Variants in RGMA observed in about 807,000 individuals in gnomAD.
The protein encoded by RGMA is repulsive guidance molecule BMP co-receptor a.
A neutral mutation model predicts 23.2 loss-of-function variants in RGMA; 10 were observed. The ratio of observed to expected loss-of-function variants is 0.43; its 90% confidence interval spans 0.27 to 0.73. The LOEUF is 0.73. RGMA is among the 30% of genes least tolerant of loss of function. The pLI, the probability that RGMA is intolerant of heterozygous loss-of-function variation, is 0.20. For synonymous variants in RGMA, 308 were observed against 279.3 expected, an observed-to-expected ratio of 1.10 and a Z score of -1.03; for missense variants, 547 against 630.5, an observed-to-expected ratio of 0.87 and a Z score of 1.42.
In RGMA at chr15:93,045,631, C is replaced by T. The variant is rs766596924; in HGVS notation, c.720G>A (p.Pro240=). 1.1e-5 allele frequency: 17 copies of T among 1,612,256 alleles called. No individual in the cohort carries two copies. Among genetic ancestry groups the T allele is most frequent in the African/African-American group, 6.7e-5 (5 of 75,036 alleles). ...TCTTAGAGCCATCCACGAAGGCGGC[C>T]GGGAGCTCGTCCATCTCAGCCTGGT... ...KVYQAEMDEL[P]AAFVDGSKNG... is the part of the protein sequence containing the mutation. Residue 240 remains proline, a synonymous_variant, in exon 4 of 4, where the codon CCG becomes CCA. Transcript: ENST00000329082. This position sits in a 1 kb window ranked among gnomAD's most constrained non-coding sequence, Gnocchi z 6.9.
intron 1 of RGMA, chr15:93,073,234 CCCCGCGCCCCA>C: frequency 8.9e-7 from 1 of 1,118,250 alleles, no homozygotes; most frequent in East Asian, 4.0e-5. Context: ...GTCGACGCGG[CCCCGCGCCCCA>C]GCCGCCTGCG....
chr15:93,061,240 AC>A (rs1180885203), intron 2 of RGMA, among the ~76,000 whole-genome samples: 1 of 152,056 alleles, frequency 6.6e-6, no homozygotes, highest in African/African-American at 2.4e-5. Context: ...CACAACCTCC[AC>A]CTCCCAGGTT....
chr15:93,083,343 T>G (rs918959375), intron 1 of RGMA, among the ~76,000 whole-genome samples: 1 of 152,214 alleles, frequency 6.6e-6, no homozygotes, highest in Admixed American at 6.5e-5. Flanking sequence ...TTTTATTTTT[T>G]TTGAGACAAA....
chr15:93,066,981 A>G (rs968731042), intron 2 of RGMA, among the ~76,000 whole-genome samples: 1 of 152,248 alleles, frequency 6.6e-6, no homozygotes, highest in African/African-American at 2.4e-5. Flanking sequence ...GATGATCCTC[A>G]CGGGAATGGC....
At chr15:93,084,100 T>C (rs550865095) in intron 1 of RGMA, among the ~76,000 whole-genome samples, 1 of 152,344 alleles carries the variant, frequency 6.6e-6, no homozygotes, top group Non-Finnish European at 1.5e-5. Context: ...CTTTTTACGA[T>C]TCTATGAATG....
Position 93,088,949 on chromosome 15 carries a change from C to T in RGMA, c.-17G>A, listed in dbSNP as rs774204104. The T allele has an allele frequency of 4.3e-6, 6 of 1,396,418 alleles. No homozygotes were observed. In the East Asian group the frequency reaches 9.2e-5, roughly 21 times the overall value. The allele number at this position is 1,396,418 out of a possible 1,614,324, so 86.5% of individuals were successfully genotyped here. ...CGGCTGCATGAGCCCCTGCGGCCCG[C>T]GGGGGGTGGCGCTGGCGGGGCTGCG... is the stretch of plus-strand genomic sequence containing the variant. On this transcript the variant is annotated 5_prime_UTR_variant, in exon 1 of 4. Coordinates refer to ENST00000329082, the MANE Select transcript of RGMA (RefSeq NM_020211.3).
chr15:93,071,923 G>A (rs528478949), intron 2 of RGMA, among the ~76,000 whole-genome samples: 61 of 152,340 alleles, frequency 4.0e-4, no homozygotes, highest in African/African-American at 1.3e-3. Context: ...ATCCCGCCTT[G>A]CGCCGGGGGG....
At chr15:93,076,246 A>G (rs1158942554) in intron 1 of RGMA, among the ~76,000 whole-genome samples, 1 of 151,972 alleles carries the variant, frequency 6.6e-6, no homozygotes, top group Non-Finnish European at 1.5e-5. Context: ...CTCAATCCTG[A>G]GCATCCCCCT....
At chr15:93,066,378 G>C in intron 2 of RGMA, 1 of 730,822 alleles carries the variant, frequency 1.4e-6, no homozygotes, top group Non-Finnish European at 2.6e-6. Flanking sequence ...CAGCTTGTTC[G>C]CGTGACTCCA....
At chr15:93,065,224 G>A (rs1312999598) in intron 2 of RGMA, among the ~76,000 whole-genome samples, 9 of 151,974 alleles carry the variant, frequency 5.9e-5, no homozygotes, top group Admixed American at 3.3e-4. Context: ...CATGACAGAT[G>A]ATAAAATGGC....
At chr15:93,082,383 G>T (rs556093543) in intron 1 of RGMA, among the ~76,000 whole-genome samples, 1 of 152,302 alleles carries the variant, frequency 6.6e-6, no homozygotes, top group East Asian at 1.9e-4. Flanking sequence ...AACCAGCGTC[G>T]TCATCTTAAC....
rs2054811409 is a variant in RGMA at position 93,045,570 on chromosome 15, T to C, written c.781A>G (p.Ile261Val). The change falls in exon 4 of 4, where the codon ATC becomes GTC. Residue 261 changes from isoleucine (I) to valine (V), a missense_variant. By Grantham distance (29) the Ile-to-Val change is conservative. This residue lies in a region of RGMA where 128 missense variants were observed against 191.7 expected (regional missense o/e 0.67). Coordinates refer to ENST00000329082, the MANE Select transcript of RGMA (RefSeq NM_020211.3). This position sits in a 1 kb window ranked among gnomAD's most constrained non-coding sequence, Gnocchi z 6.9. ...TGCTGGCCTGACACCTTCTCAGTGA[T>C]CTTCAGGCTGTTGGCCCCGTGCTTG... ...GDKHGANSLKITEKVSGQHVE... is the reference protein window; with the variant it reads ...GDKHGANSLKVTEKVSGQHVE... The C allele has an allele frequency of 1.2e-6, 2 of 1,613,140 alleles. No individual in the cohort carries two copies. Among genetic ancestry groups the C allele is most frequent in the East Asian group, 2.2e-5 (1 of 44,878 alleles).
chr15:93,083,139 T>C (rs1211951843), intron 1 of RGMA, among the ~76,000 whole-genome samples: 2 of 152,250 alleles, frequency 1.3e-5, no homozygotes, highest in Non-Finnish European at 2.9e-5. Flanking sequence ...CATTTACTCA[T>C]GAAGAAATCA....
At chr15:93,088,257 T>C (rs1031100148) in intron 1 of RGMA, 4 of 681,044 alleles carry the variant, frequency 5.9e-6, no homozygotes, top group Non-Finnish European at 7.2e-6. Context: ...TGAATACACC[T>C]GTCCCCCATG....
intron 3 of RGMA, among the ~76,000 whole-genome samples, chr15:93,049,708 C>T (rs1424395893): frequency 6.6e-6 from 1 of 152,240 alleles, no homozygotes; most frequent in Non-Finnish European, 1.5e-5. Context: ...CACAGGAAGG[C>T]AAATCTCATA....
Position 93,071,834 on chromosome 15 carries a change from G to A in RGMA, c.130+1082C>T, listed in dbSNP as rs183485548. 6.2e-4 allele frequency among the ~76,000 whole-genome samples: 94 copies of A among 152,362 alleles called. 1 individual carries two copies. The highest frequency in any genetic ancestry group is 6.1e-3 in the Admixed American group (93 of 15,308). ...GCGCGGGGGCTGCGGCTCTACGCCTGGCTGTGGTGCGAAACAAGATGAAAT... is the reference window on the plus strand; with the variant it reads ...GCGCGGGGGCTGCGGCTCTACGCCTAGCTGTGGTGCGAAACAAGATGAAAT... On this transcript the variant is annotated intron_variant, in intron 2 of 3. Transcript: ENST00000329082.
intron 1 of RGMA, among the ~76,000 whole-genome samples, chr15:93,084,575 C>T (rs911130128): frequency 7.9e-5 from 12 of 152,006 alleles, no homozygotes; most frequent in Non-Finnish European, 1.5e-4. Context: ...TGGGTTCAAG[C>T]GACTCTCCTC....
chr15:93,065,469 T>G, intron 2 of RGMA: 1 of 435,214 alleles, frequency 2.3e-6, no homozygotes, highest in East Asian at 5.0e-5. Context: ...GAAAAGCTGG[T>G]ATTTTGATGC....
chr15:93,061,955 G>A (rs1349738787), intron 2 of RGMA, among the ~76,000 whole-genome samples: 2 of 152,124 alleles, frequency 1.3e-5, no homozygotes, highest in Non-Finnish European at 1.5e-5. Context: ...CTGCTGCAGA[G>A]CCTGAACCCA....
Sources: allele counts gnomAD v4.1 joint callset (sites outside exome capture counted in the v4.1 genomes callset), GRCh38; gene constraint gnomAD v4.1.1; regional missense constraint gnomAD v4.1.1; non-coding constraint Gnocchi (gnomAD v3.1); transcripts MANE v1.5; gene names NCBI Gene and HGNC (gene_info 2026-07-23, HGNC 2026-07-21).